The following DLGAP2 variants were observed in gnomAD, a reference collection of about 807,000 sequenced individuals.
The protein encoded by DLGAP2 is DLG associated protein 2, also known as disks large-associated protein 2.
A neutral mutation model predicts 100.3 loss-of-function variants in DLGAP2; 26 were observed. The ratio of observed to expected loss-of-function variants is 0.26; its 90% confidence interval spans 0.19 to 0.36. The LOEUF (loss-of-function observed/expected upper bound fraction) is 0.36, where lower values mean the gene tolerates loss of function less well. Ranked by LOEUF, DLGAP2 falls within the 10% of genes least tolerant of loss-of-function variation. DLGAP2 has a pLI of 1.00. For missense variants in DLGAP2, 1,858 were observed against 1,453.2 expected, an observed-to-expected ratio of 1.28 and a Z score of -4.53; for synonymous variants, 886 against 630.1, an observed-to-expected ratio of 1.41 and a Z score of -6.08.
chr8:1,162,135 GGAGGCAGGAA>G (rs1186501674), intron 2 of DLGAP2, among the ~76,000 whole-genome samples: 1 of 152,230 alleles, frequency 6.6e-6, no homozygotes, highest in Non-Finnish European at 1.5e-5. Context: ...AGGAGGCTAC[GGAGGCAGGAA>G]GCCCTCCCGG....
chr8:1,463,756 G>A (rs990984680), intron 3 of DLGAP2, among the ~76,000 whole-genome samples: 2 of 152,246 alleles, frequency 1.3e-5, no homozygotes, highest in Non-Finnish European at 1.5e-5. Flanking sequence ...GCCCTCCTCC[G>A]TCAGATGGGC....
At chr8:941,116 G>C (rs748223938) in intron 2 of DLGAP2, among the ~76,000 whole-genome samples, 3 of 152,128 alleles carry the variant, frequency 2.0e-5, no homozygotes, top group South Asian at 2.1e-4. Flanking sequence ...AGGAGCTTTC[G>C]TGTGGGACCC....
chr8:1,243,641 T>G (rs1157767314), intron 2 of DLGAP2, among the ~76,000 whole-genome samples: 1 of 152,176 alleles, frequency 6.6e-6, no homozygotes, highest in Non-Finnish European at 1.5e-5. Flanking sequence ...AGAGGATTCA[T>G]GGCACGGTTC....
chr8:1,033,286 A>G (rs982920005), intron 2 of DLGAP2, among the ~76,000 whole-genome samples: 1 of 152,176 alleles, frequency 6.6e-6, no homozygotes, highest in Non-Finnish European at 1.5e-5. Context: ...AAATCCTCTT[A>G]TACAACTTGC....
intron 2 of DLGAP2, among the ~76,000 whole-genome samples, chr8:1,125,777 C>G (rs1796149882): frequency 6.6e-6 from 1 of 152,204 alleles, no homozygotes; most frequent in Non-Finnish European, 1.5e-5. Flanking sequence ...AATTTGAAAG[C>G]AAAACATTGC....
At chr8:983,113 C>T (rs1019444526) in intron 2 of DLGAP2, among the ~76,000 whole-genome samples, 4 of 152,284 alleles carry the variant, frequency 2.6e-5, no homozygotes, top group South Asian at 2.1e-4. Context: ...ACGGACTAGC[C>T]GGCCTTGGTC....
intron 2 of DLGAP2, among the ~76,000 whole-genome samples, chr8:1,011,911 G>A (rs1401991267): frequency 6.6e-6 from 1 of 152,206 alleles, no homozygotes; most frequent in Non-Finnish European, 1.5e-5. Context: ...GTGTTTTACC[G>A]AGGATGCTCT....
chr8:1,686,699 G>A (rs749052925), intron 12 of DLGAP2, among the ~76,000 whole-genome samples: 26 of 151,930 alleles, frequency 1.7e-4, no homozygotes, highest in Non-Finnish European at 3.1e-4. Context: ...AGCTCATGAA[G>A]GTGGAGAGTA....
intron 3 of DLGAP2, among the ~76,000 whole-genome samples, chr8:1,337,662 G>A (rs186668126): frequency 9.9e-5 from 15 of 152,112 alleles, no homozygotes; most frequent in African/African-American, 3.4e-4. Flanking sequence ...TCTTAGATGT[G>A]ACACCAAAAG....
At chr8:1,215,960 GA>G (rs1174393374) in intron 2 of DLGAP2, among the ~76,000 whole-genome samples, 4 of 151,806 alleles carry the variant, frequency 2.6e-5, no homozygotes, top group Non-Finnish European at 5.9e-5. Context: ...GCATCACCTG[GA>G]GACGTCCAGG....
intron 2 of DLGAP2, among the ~76,000 whole-genome samples, chr8:1,152,695 C>G (rs1796717030): frequency 6.6e-6 from 1 of 152,210 alleles, no homozygotes; most frequent in Admixed American, 6.5e-5. Flanking sequence ...GGTCTTCCAC[C>G]TCTTGGCATC....
At chr8:864,630 TGAG>T (rs1797456199) in intron 1 of DLGAP2, among the ~76,000 whole-genome samples, 1 of 151,954 alleles carries the variant, frequency 6.6e-6, no homozygotes, top group Admixed American at 6.6e-5. Context: ...TGACTGGGAG[TGAG>T]GAGCTACAAG....
intron 2 of DLGAP2, among the ~76,000 whole-genome samples, chr8:1,205,342 G>C (rs2116770529): frequency 6.6e-6 from 1 of 152,298 alleles, no homozygotes; most frequent in South Asian, 2.1e-4. Flanking sequence ...TCAGGGTCTT[G>C]GCTATTTGAG....
intron 2 of DLGAP2, among the ~76,000 whole-genome samples, chr8:926,285 C>G (rs974380930): frequency 1.3e-5 from 2 of 152,188 alleles, no homozygotes; most frequent in Admixed American, 1.3e-4. Context: ...CAGGCCTAAG[C>G]CTGCTGGCCC....
chr8:1,217,553 C>G (rs189560515), intron 2 of DLGAP2, among the ~76,000 whole-genome samples: 3 of 152,034 alleles, frequency 2.0e-5, no homozygotes, highest in African/African-American at 7.2e-5. Context: ...ACTGTTTTCC[C>G]ATTTGCTTGT....
At chr8:1,166,609 C>A (rs7844296) in intron 2 of DLGAP2, among the ~76,000 whole-genome samples, 28,382 of 152,020 alleles carry the variant, frequency 0.19, 2,814 homozygotes, top group Middle Eastern at 0.34. Context: ...ATTATTTTAT[C>A]CTTTCTAAGA....
intron 2 of DLGAP2, among the ~76,000 whole-genome samples, chr8:1,037,561 TC>T (rs1473557154): frequency 1.3e-5 from 2 of 152,234 alleles, no homozygotes; most frequent in African/African-American, 4.8e-5. Flanking sequence ...CCTCCCGGCA[TC>T]ACCTGCACTT....
intron 3 of DLGAP2, among the ~76,000 whole-genome samples, chr8:1,293,195 G>A (rs555567561): frequency 8.5e-5 from 13 of 152,154 alleles, no homozygotes; most frequent in Non-Finnish European, 1.6e-4. Context: ...CCATCTCTTT[G>A]TCTTTTTGTC....
intron 4 of DLGAP2, among the ~76,000 whole-genome samples, chr8:1,528,690 G>A (rs1250800933): frequency 6.6e-6 from 1 of 152,196 alleles, no homozygotes; most frequent in African/African-American, 2.4e-5. Context: ...CAGGTGAGTG[G>A]GTGACCAGAT....
Sources: gnomAD v4.1 joint callset for allele counts (sites outside exome capture counted in the v4.1 genomes callset) on GRCh38, gnomAD v4.1.1 for gene constraint, MANE v1.5 for transcripts, NCBI Gene and HGNC (gene_info 2026-07-23, HGNC 2026-07-21) for gene names.